HPSE2: variants seen among roughly 807,000 people sequenced by gnomAD.
The protein encoded by HPSE2 is heparanase 2 (inactive).
A neutral mutation model predicts 60.5 loss-of-function variants in HPSE2; 38 were observed. The observed-to-expected ratio is 0.63, with a 90% confidence interval of 0.48 to 0.82. The LOEUF (loss-of-function observed/expected upper bound fraction) is 0.82. Ranked by LOEUF, HPSE2 falls within the 40% of genes least tolerant of loss-of-function variation. HPSE2 has a pLI of 0.00. For synonymous variants in HPSE2, 295 were observed against 293.2 expected (o/e 1.01, Z -0.06); for missense variants, 713 against 740.4 (o/e 0.96, Z 0.43).
At chr10:98,542,039 ACCCC>A (rs1943486518) in intron 9 of HPSE2, among the ~76,000 whole-genome samples, 1 of 145,516 alleles carries the variant, frequency 6.9e-6, no homozygotes, top group East Asian at 2.1e-4. Context: ...CTGACCCCTG[ACCCC>A]TGACCCCCAA....
chr10:99,245,851 G>A, the HPSE2 span, among the ~76,000 whole-genome samples: 1 of 152,178 alleles, frequency 6.6e-6, no homozygotes, highest in African/African-American at 2.4e-5. Context: ...AAAGCGCTGA[G>A]TTTAATAGTG....
chr10:99,081,618 G>T (rs1327207395), intron 3 of HPSE2, among the ~76,000 whole-genome samples: 6 of 149,640 alleles, frequency 4.0e-5, no homozygotes, highest in Non-Finnish European at 7.5e-5. Flanking sequence ...TGATGATGAT[G>T]ATGAGATAAT....
chr10:98,816,275 G>GT (rs771474143), intron 3 of HPSE2, among the ~76,000 whole-genome samples: 75 of 152,002 alleles, frequency 4.9e-4, no homozygotes, highest in Non-Finnish European at 8.1e-4. Context: ...TTTTTTGTTT[G>GT]TTTTTTGTTT....
intron 9 of HPSE2, among the ~76,000 whole-genome samples, chr10:98,586,633 G>C (rs746307448): frequency 2.6e-5 from 4 of 152,134 alleles, no homozygotes; most frequent in Non-Finnish European, 4.4e-5. Context: ...CTCTGATTCT[G>C]AGACTCTTTG....
chr10:98,757,600 T>A (rs75379169), intron 3 of HPSE2, among the ~76,000 whole-genome samples: 1 of 151,972 alleles, frequency 6.6e-6, no homozygotes, highest in Non-Finnish European at 1.5e-5. Flanking sequence ...AAAAAAATTA[T>A]AAAATACCTA....
chr10:99,077,114 C>T (rs1348239557), intron 3 of HPSE2, among the ~76,000 whole-genome samples: 1 of 152,010 alleles, frequency 6.6e-6, no homozygotes, highest in African/African-American at 2.4e-5. Flanking sequence ...ACAAATTGTT[C>T]TTCTCTTACT....
chr10:98,984,961 G>C (rs540260734), intron 3 of HPSE2, among the ~76,000 whole-genome samples: 1 of 152,164 alleles, frequency 6.6e-6, no homozygotes, highest in African/African-American at 2.4e-5. Context: ...AAAAGATACA[G>C]ACAAAGCCTC....
chr10:98,463,846 C>T (rs55810232), intron 11 of HPSE2, among the ~76,000 whole-genome samples: 5,451 of 150,490 alleles, frequency 0.036, 331 homozygotes, highest in African/African-American at 0.13. Flanking sequence ...AGGCCGAGTG[C>T]GGTGGTTCAC....
chr10:99,153,811 G>A (rs956295377), intron 2 of HPSE2, among the ~76,000 whole-genome samples: 209 of 152,072 alleles, frequency 1.4e-3, no homozygotes, highest in African/African-American at 4.6e-3. Flanking sequence ...TCTGAGCTAC[G>A]GGAGGACATT....
chr10:99,300,284 T>C, the HPSE2 span, among the ~76,000 whole-genome samples: 1 of 152,008 alleles, frequency 6.6e-6, no homozygotes, highest in East Asian at 1.9e-4. Context: ...GCCAAGAAGG[T>C]AGAGGACTGA....
At chr10:98,580,967 G>A (rs1268569352) in intron 9 of HPSE2, among the ~76,000 whole-genome samples, 2 of 149,406 alleles carry the variant, frequency 1.3e-5, no homozygotes, top group African/African-American at 4.9e-5. Context: ...TTGAGACTGA[G>A]TCTTGTTCTG....
intron 3 of HPSE2, among the ~76,000 whole-genome samples, chr10:98,852,113 A>ATATATATATGTGTG (rs779720749): frequency 8.2e-4 from 75 of 91,940 alleles, no homozygotes; most frequent in South Asian, 3.5e-3. Context: ...GTATATTATG[A>ATATATATATGTGTG]TGTGTGTGTG....
At chr10:99,305,979 G>GCGCGCGCGCACACCCACA in the HPSE2 span, among the ~76,000 whole-genome samples, 1 of 80,586 alleles carries the variant, frequency 1.2e-5, no homozygotes, top group East Asian at 3.7e-4. Context: ...GCGCGCGCGC[G>GCGCGCGCGCACACCCACA]CACACACACA....
At chr10:98,712,534 G>A (rs1948699727) in intron 5 of HPSE2, among the ~76,000 whole-genome samples, 1 of 152,060 alleles carries the variant, frequency 6.6e-6, no homozygotes, top group Admixed American at 6.6e-5. Context: ...TAGGCACTTA[G>A]TAGAAGTGTT....
intron 3 of HPSE2, among the ~76,000 whole-genome samples, chr10:98,799,457 A>T (rs1417357816): frequency 6.6e-6 from 1 of 152,214 alleles, no homozygotes; most frequent in Non-Finnish European, 1.5e-5. Context: ...TATTTACAGA[A>T]CATTCCATCC....
chr10:99,168,076 A>T (rs1227585950), intron 2 of HPSE2, among the ~76,000 whole-genome samples: 1 of 134,642 alleles, frequency 7.4e-6, no homozygotes, highest in Non-Finnish European at 1.6e-5. Context: ...TATTGAGGTG[A>T]TCAGCCTATT....
chr10:98,519,209 T>C (rs543347588), intron 9 of HPSE2, among the ~76,000 whole-genome samples: 5 of 152,218 alleles, frequency 3.3e-5, no homozygotes, highest in Non-Finnish European at 7.3e-5. Context: ...TCATCATTCA[T>C]TAACATTTGC....
At chr10:98,526,671 C>T (rs1053095895) in intron 9 of HPSE2, among the ~76,000 whole-genome samples, 14 of 152,216 alleles carry the variant, frequency 9.2e-5, no homozygotes, top group East Asian at 1.9e-4. Context: ...ACTAATGGGA[C>T]GAAGGACGGG....
At chr10:98,559,573 T>C (rs951829660) in intron 9 of HPSE2, among the ~76,000 whole-genome samples, 1 of 152,166 alleles carries the variant, frequency 6.6e-6, no homozygotes, top group African/African-American at 2.4e-5. Flanking sequence ...CCTTATCTGC[T>C]TCCTGATTTC....
Sources: gnomAD v4.1 joint callset for allele counts (sites outside exome capture counted in the v4.1 genomes callset) on GRCh38, gnomAD v4.1.1 for gene constraint, MANE v1.5 for transcripts, NCBI Gene and HGNC (gene_info 2026-07-23, HGNC 2026-07-21) for gene names.